Variants in PCDH9 observed in about 807,000 individuals in gnomAD.
PCDH9 encodes protocadherin 9.
PCDH9 carries 24 observed loss-of-function variants against 70.6 expected under a neutral mutation model. The ratio of observed to expected loss-of-function variants is 0.34; its 90% CI spans 0.25 to 0.48. The LOEUF is 0.48. Ranked by LOEUF, PCDH9 falls within the 20% of genes least tolerant of loss-of-function variation. The probability of loss-of-function intolerance (pLI) is 0.99; values close to 1 mark genes in which losing one functional copy is unlikely to be tolerated. For missense variants in PCDH9, 1,281 were observed against 1,503.6 expected (o/e 0.85, Z 2.45); for synonymous variants, 562 against 558.5 (o/e 1.01, Z -0.09).
At chr13:66,936,015 G>A (rs926472006) in intron 2 of PCDH9, among the ~76,000 whole-genome samples, 1 of 152,170 alleles carries the variant, frequency 6.6e-6, no homozygotes, top group Non-Finnish European at 1.5e-5. Context: ...AATCCAGGGG[G>A]CAGAGGTTCC....
chr13:67,054,862 T>C (rs913200627), intron 2 of PCDH9, among the ~76,000 whole-genome samples: 1 of 152,184 alleles, frequency 6.6e-6, no homozygotes, highest in African/African-American at 2.4e-5. Context: ...CACTCTGACT[T>C]GTAGGCAATG....
intron 3 of PCDH9, among the ~76,000 whole-genome samples, chr13:66,723,313 C>G (rs1023272666): frequency 6.6e-6 from 1 of 151,644 alleles, no homozygotes; most frequent in African/African-American, 2.4e-5. Context: ...GAAGAGGTTT[C>G]CATATATAAC....
intron 3 of PCDH9, among the ~76,000 whole-genome samples, chr13:66,723,677 G>A (rs964059970): frequency 6.6e-6 from 1 of 152,124 alleles, no homozygotes; most frequent in African/African-American, 2.4e-5. Flanking sequence ...AAGTCAAAGA[G>A]GGTAAAAGAG....
intron 3 of PCDH9, among the ~76,000 whole-genome samples, chr13:66,638,689 G>A (rs1392267095): frequency 1.3e-5 from 2 of 152,088 alleles, no homozygotes; most frequent in Admixed American, 6.6e-5. Context: ...TGAGCTTACA[G>A]TAAATATTTA....
intron 3 of PCDH9, among the ~76,000 whole-genome samples, chr13:66,874,453 TA>T (rs2081759723): frequency 6.6e-6 from 1 of 152,198 alleles, no homozygotes; most frequent in Non-Finnish European, 1.5e-5. Context: ...TACTTTATAC[TA>T]TGTGCAGATA....
At chr13:67,060,924 G>A (rs1210081685) in intron 2 of PCDH9, among the ~76,000 whole-genome samples, 2 of 152,054 alleles carry the variant, frequency 1.3e-5, no homozygotes, top group African/African-American at 4.8e-5. Flanking sequence ...CTTTGTGAAG[G>A]AAGTAAGAGT....
chr13:66,901,119 A>T (rs1345733102), intron 3 of PCDH9, among the ~76,000 whole-genome samples: 1 of 151,730 alleles, frequency 6.6e-6, no homozygotes, highest in Non-Finnish European at 1.5e-5. Context: ...GTTTTAAAAA[A>T]AACTCGAAAG....
At chr13:66,960,042 G>T (rs1023870129) in intron 2 of PCDH9, among the ~76,000 whole-genome samples, 3 of 152,108 alleles carry the variant, frequency 2.0e-5, no homozygotes, top group Admixed American at 1.3e-4. Flanking sequence ...AAGAATAAAG[G>T]ACAAAGTCTC....
chr13:66,571,703 G>T, intron 4 of PCDH9, among the ~76,000 whole-genome samples: 1 of 151,996 alleles, frequency 6.6e-6, no homozygotes, highest in East Asian at 1.9e-4. Context: ...TAAGTTGATT[G>T]TATATGCAAT....
At chr13:66,622,421 T>G (rs1287434247) in intron 4 of PCDH9, among the ~76,000 whole-genome samples, 1 of 152,170 alleles carries the variant, frequency 6.6e-6, no homozygotes, top group African/African-American at 2.4e-5. Context: ...CTGAGTCTGG[T>G]GGGGACGTGG....
chr13:66,705,198 AT>A (rs2078696139), intron 3 of PCDH9, among the ~76,000 whole-genome samples: 1 of 152,102 alleles, frequency 6.6e-6, no homozygotes, highest in African/African-American at 2.4e-5. Flanking sequence ...TTCTTAGAAT[AT>A]TTTTACATTA....
At chr13:66,562,359 A>G (rs978195838) in intron 4 of PCDH9, among the ~76,000 whole-genome samples, 1 of 152,296 alleles carries the variant, frequency 6.6e-6, no homozygotes, top group Non-Finnish European at 1.5e-5. Flanking sequence ...ATCTCAGTAT[A>G]GCAGATATAC....
At chr13:66,803,698 T>C (rs1333205785) in intron 3 of PCDH9, among the ~76,000 whole-genome samples, 2 of 151,652 alleles carry the variant, frequency 1.3e-5, no homozygotes, top group Non-Finnish European at 2.9e-5. Flanking sequence ...CATATGCATA[T>C]TGCAAAAAGG....
intron 4 of PCDH9, among the ~76,000 whole-genome samples, chr13:66,426,498 G>A (rs926503763): frequency 2.0e-5 from 3 of 146,348 alleles, no homozygotes; most frequent in Non-Finnish European, 4.7e-5. Flanking sequence ...ATTAAGCTTC[G>A]TTTGATTCTA....
chr13:66,335,782 C>T (rs988690051), intron 4 of PCDH9, among the ~76,000 whole-genome samples: 7 of 151,980 alleles, frequency 4.6e-5, no homozygotes, highest in Admixed American at 1.3e-4. Flanking sequence ...TGATTTTTAA[C>T]AATAAATAAG....
intron 4 of PCDH9, among the ~76,000 whole-genome samples, chr13:66,451,487 AATT>A (rs1209999149): frequency 1.3e-5 from 2 of 152,212 alleles, no homozygotes; most frequent in Non-Finnish European, 2.9e-5. Flanking sequence ...TTCTCTTCTA[AATT>A]ATTATTTACT....
intron 2 of PCDH9, among the ~76,000 whole-genome samples, chr13:66,983,446 G>T (rs1191659693): frequency 6.6e-6 from 1 of 151,948 alleles, no homozygotes; most frequent in Non-Finnish European, 1.5e-5. Flanking sequence ...AAAAGTGAGT[G>T]TGAAAAAAAA....
chr13:66,796,968 G>A (rs2080252406), intron 3 of PCDH9, among the ~76,000 whole-genome samples: 1 of 152,086 alleles, frequency 6.6e-6, no homozygotes, highest in Non-Finnish European at 1.5e-5. Context: ...TCTGTGCAAT[G>A]ATTATAAGAG....
intron 3 of PCDH9, among the ~76,000 whole-genome samples, chr13:66,671,376 G>A (rs75066766): frequency 0.034 from 5,241 of 152,264 alleles, 244 homozygotes; most frequent in African/African-American, 0.11. Context: ...ACAGGCAGAG[G>A]TTGGAACAGT....
Sources: allele counts gnomAD v4.1 joint callset (sites outside exome capture counted in the v4.1 genomes callset), GRCh38; gene constraint gnomAD v4.1.1; transcripts MANE v1.5; gene names NCBI Gene and HGNC (gene_info 2026-07-23, HGNC 2026-07-21).